The following LRRC4C variants were observed in gnomAD, a reference collection of about 807,000 sequenced individuals.
LRRC4C encodes leucine rich repeat containing 4C.
LRRC4C carries 5 observed loss-of-function variants against 33.6 expected under a neutral mutation model. The observed-to-expected ratio is 0.15, with a 90% CI of 0.08 to 0.31. The LOEUF (loss-of-function observed/expected upper bound fraction) is 0.31, where lower values mean the gene tolerates loss of function less well. Among genes scored for constraint, LRRC4C ranks in the 10% least tolerant of loss-of-function variants. The pLI is 1.00. For missense variants in LRRC4C, 560 were observed against 796.7 expected (o/e 0.70, Z 3.58); for synonymous variants, 329 against 302.0 (o/e 1.09, Z -0.93).
intron 3 of LRRC4C, among the ~76,000 whole-genome samples, chr11:40,536,552 C>T (rs993633897): frequency 1.3e-5 from 2 of 152,176 alleles, no homozygotes; most frequent in Non-Finnish European, 2.9e-5. Context: ...AATCTGAGAA[C>T]GTCTATCCAA....
In LRRC4C at chr11:41,388,393, G is replaced by C. The variant is rs1199189168; in HGVS notation, c.-496+71038C>G. Reference sequence around the variant, plus strand: ...TATGTAAATACATACATAATAGTGTGTTCCCATTTAAAAGACCTGACTTCA... The same window carrying C: ...TATGTAAATACATACATAATAGTGTCTTCCCATTTAAAAGACCTGACTTCA... On this transcript the variant is annotated intron_variant, in intron 1 of 6. Coordinates refer to ENST00000528697, the MANE Select transcript of LRRC4C (RefSeq NM_001258419.2). 1.3e-5 allele frequency among the ~76,000 whole-genome samples: 2 copies of C among 151,816 alleles called. 1 individual carries two copies. The highest frequency in any genetic ancestry group is 1.3e-4 in the Admixed American group (2 of 15,206).
intron 3 of LRRC4C, among the ~76,000 whole-genome samples, chr11:40,441,210 C>T (rs749465490): frequency 1.3e-4 from 20 of 152,118 alleles, no homozygotes; most frequent in Non-Finnish European, 2.9e-4. Context: ...GTGTTGAACA[C>T]AAGGCTCCTG....
intron 1 of LRRC4C, among the ~76,000 whole-genome samples, chr11:41,104,031 T>C (rs1941353394): frequency 6.6e-6 from 1 of 151,898 alleles, no homozygotes; most frequent in Admixed American, 6.6e-5. Context: ...GGATCAAATC[T>C]TTGTTCCTTT....
At chr11:41,316,671 A>G (rs946851776) in intron 1 of LRRC4C, among the ~76,000 whole-genome samples, 1 of 152,152 alleles carries the variant, frequency 6.6e-6, no homozygotes, top group Non-Finnish European at 1.5e-5. Flanking sequence ...TCATAACTAT[A>G]CTTTGCTAAA....
chr11:40,753,603 C>T (rs372617326), intron 2 of LRRC4C, among the ~76,000 whole-genome samples: 9 of 144,016 alleles, frequency 6.2e-5, no homozygotes, highest in South Asian at 4.4e-4. Context: ...TGCAGTGGTG[C>T]GATCTGGGCT....
intron 4 of LRRC4C, among the ~76,000 whole-genome samples, chr11:40,277,555 G>C (rs1943199384): frequency 6.6e-6 from 1 of 152,052 alleles, no homozygotes; most frequent in African/African-American, 2.4e-5. Context: ...AAGAAATCTA[G>C]TATCAAATTA....
At chr11:40,937,863 C>A (rs1957975367) in intron 1 of LRRC4C, among the ~76,000 whole-genome samples, 1 of 151,922 alleles carries the variant, frequency 6.6e-6, no homozygotes, top group South Asian at 2.1e-4. Flanking sequence ...TCCCATGTTT[C>A]CCAGGCTTGT....
chr11:41,011,832 T>TTATATTATATTATAG (rs1200853414), intron 1 of LRRC4C, among the ~76,000 whole-genome samples: 3 of 147,394 alleles, frequency 2.0e-5, no homozygotes, highest in Non-Finnish European at 4.5e-5. Context: ...ATATATTATA[T>TTATATTATATTATAG]TATATTATAT....
chr11:40,749,836 A>G (rs2136975889), intron 2 of LRRC4C, among the ~76,000 whole-genome samples: 1 of 152,250 alleles, frequency 6.6e-6, no homozygotes, highest in African/African-American at 2.4e-5. Context: ...ACAGAAGACC[A>G]TCAGAGACAA....
At chr11:40,280,440 C>T (rs1248770165) in intron 4 of LRRC4C, among the ~76,000 whole-genome samples, 3 of 152,198 alleles carry the variant, frequency 2.0e-5, no homozygotes, top group Non-Finnish European at 2.9e-5. Flanking sequence ...TCTTAACATC[C>T]CTGTAATATA....
intron 1 of LRRC4C, among the ~76,000 whole-genome samples, chr11:41,029,974 T>C (rs11036197): frequency 0.14 from 20,963 of 151,654 alleles, 1,561 homozygotes; most frequent in Middle Eastern, 0.21. Context: ...CAAGGATAAA[T>C]AGAAATTTGT....
intron 1 of LRRC4C, among the ~76,000 whole-genome samples, chr11:40,990,800 GC>G (rs1309690519): frequency 2.6e-5 from 4 of 151,948 alleles, no homozygotes; most frequent in Admixed American, 6.6e-5. Context: ...CAATGAAGGA[GC>G]AAAAAATGTC....
intron 1 of LRRC4C, among the ~76,000 whole-genome samples, chr11:40,945,289 G>T (rs1958346853): frequency 6.6e-6 from 1 of 151,686 alleles, no homozygotes; most frequent in African/African-American, 2.4e-5. Context: ...CAAAGTGCTG[G>T]GATTACAGGC....
At chr11:40,750,743 G>T (rs1260714107) in intron 2 of LRRC4C, among the ~76,000 whole-genome samples, 1 of 150,604 alleles carries the variant, frequency 6.6e-6, no homozygotes, top group Admixed American at 6.6e-5. Context: ...CATGGCACAT[G>T]TATACATATG....
At chr11:41,069,646 A>G (rs1309245468) in intron 1 of LRRC4C, among the ~76,000 whole-genome samples, 1 of 152,196 alleles carries the variant, frequency 6.6e-6, no homozygotes, top group Non-Finnish European at 1.5e-5. Context: ...GAGCCAAATC[A>G]TGAATGAACC....
chr11:41,033,552 C>A lies in LRRC4C; in HGVS notation c.-495-99829G>T, dbSNP rs144713736. Among the ~76,000 whole-genome samples, 14 of 152,120 alleles carry A rather than the reference C, an allele frequency of 9.2e-5. No individual in the cohort carries two copies. The East Asian group carries it at 2.7e-3, about 30-fold the overall frequency. On this transcript the variant is annotated intron_variant, in intron 1 of 6. Transcript: ENST00000528697. ...ACCTGAGACTTTCTGGTGAATACCC[C>A]ACATCCTGGGAATCCTCTGAGTCCC... is the stretch of plus-strand genomic sequence containing the variant.
At chr11:40,911,883 G>A (rs914286483) in intron 2 of LRRC4C, among the ~76,000 whole-genome samples, 32 of 152,268 alleles carry the variant, frequency 2.1e-4, no homozygotes, top group African/African-American at 7.7e-4. Flanking sequence ...CACGGCACAA[G>A]AACTACGTGA....
chr11:40,840,815 T>C (rs775026919), intron 2 of LRRC4C, among the ~76,000 whole-genome samples: 34 of 152,312 alleles, frequency 2.2e-4, no homozygotes, highest in Admixed American at 3.3e-4. Flanking sequence ...ATAAATTATG[T>C]TTTGTTAAGA....
intron 1 of LRRC4C, among the ~76,000 whole-genome samples, chr11:41,240,428 G>T (rs1948203262): frequency 6.6e-6 from 1 of 152,252 alleles, no homozygotes; most frequent in East Asian, 1.9e-4. Flanking sequence ...AAAAACCACA[G>T]ATTACTGAGG....
Sources: allele counts gnomAD v4.1 joint callset (sites outside exome capture counted in the v4.1 genomes callset), GRCh38; gene constraint gnomAD v4.1.1; transcripts MANE v1.5; gene names NCBI Gene and HGNC (gene_info 2026-07-23, HGNC 2026-07-21).